SATB1: variants seen among roughly 807,000 people sequenced by gnomAD.
SATB1 encodes the protein SATB homeobox 1.
Under a neutral mutation model 86.9 loss-of-function variants are expected in SATB1, and 11 were observed. The observed-to-expected ratio is 0.13, with a 90% CI of 0.08 to 0.21. The LOEUF (loss-of-function observed/expected upper bound fraction) is 0.21, where lower values mean the gene tolerates loss of function less well. Among genes scored for constraint, SATB1 ranks in the 10% least tolerant of loss-of-function variants. The probability of loss-of-function intolerance (pLI) is 1.00; values close to 1 mark genes in which losing one functional copy is unlikely to be tolerated. For missense variants in SATB1, 551 were observed against 937.6 expected (o/e 0.59, Z 5.39); for synonymous variants, 357 against 357.2 (o/e 1.00, Z 0.01).
Position 18,386,765 on chromosome 3 carries a change from A to G in SATB1, c.1207-154T>C, listed in dbSNP as rs779223951. ...ATATTAGTTACAACTGAAGTGGTAG[A>G]GAAGAGAGCCTCAATTGTATTCTTA... On this transcript the variant is annotated intron_variant, in intron 7 of 10. Transcript: ENST00000338745. The surrounding 1 kb of genome is among the most constrained non-coding windows in gnomAD (Gnocchi z 4.5). Among the ~76,000 whole-genome samples, 1 of 152,248 alleles carries G rather than the reference A, an allele frequency of 6.6e-6. No homozygotes were observed. The highest frequency in any genetic ancestry group is 1.5e-5 in the Non-Finnish European group (1 of 68,042).
At chr3:18,415,790 C>T (rs995782364) in intron 4 of SATB1, among the ~76,000 whole-genome samples, 1 of 151,796 alleles carries the variant, frequency 6.6e-6, no homozygotes, top group Non-Finnish European at 1.5e-5. Context: ...CTGCACAAAC[C>T]TACACATTTT....
chr3:18,349,848 C>T lies in SATB1; in HGVS notation c.1780-166G>A, dbSNP rs1694262672. ...CCGGCGAAATGGCCGACAGCATTTA[C>T]AAAAAAATCAAAATGATATGACTAG... On this transcript the variant is annotated intron_variant, in intron 10 of 10. Transcript: ENST00000338745. The surrounding 1 kb of genome is among the most constrained non-coding windows in gnomAD (Gnocchi z 5.5). 5 of 1,220,006 alleles carry T rather than the reference C, an allele frequency of 4.1e-6. No homozygotes were observed. The Admixed American group carries it at 1.2e-4, about 29-fold the overall frequency. 75.6% of individuals were successfully genotyped at this position (1,220,006 alleles called of 1,614,324 possible).
intron 7 of SATB1, among the ~76,000 whole-genome samples, chr3:18,392,535 C>CTA (rs892287000): frequency 5.3e-5 from 8 of 151,284 alleles, no homozygotes; most frequent in African/African-American, 1.9e-4. Flanking sequence ...ACACCAGTAA[C>CTA]TATATATATA....
chr3:18,362,603 G>C (rs1694956324), intron 9 of SATB1, among the ~76,000 whole-genome samples: 1 of 151,450 alleles, frequency 6.6e-6, no homozygotes, highest in African/African-American at 2.4e-5. Context: ...TTTAAGACAG[G>C]ACAGCACCAT....
At chr3:18,366,410 A>C (rs1484037495) in intron 9 of SATB1, among the ~76,000 whole-genome samples, 1 of 151,782 alleles carries the variant, frequency 6.6e-6, no homozygotes, top group East Asian at 1.9e-4. Context: ...GTGCTATTAA[A>C]GTTTTTAATG....
chr3:18,397,122 A>G, intron 6 of SATB1, 57 bp downstream of exon 6: 2 of 956,456 alleles, frequency 2.1e-6, no homozygotes, highest in Non-Finnish European at 3.4e-6. Flanking sequence ...ACTTTGATAA[A>G]CCCCCAAATG....
chr3:18,440,669 C>T (rs150941143), upstream of SATB1, among the ~76,000 whole-genome samples: 59 of 152,272 alleles, frequency 3.9e-4, no homozygotes, highest in African/African-American at 1.3e-3. Flanking sequence ...CATGCTGAAA[C>T]ATAACTTTCA....
chr3:18,350,604 A>C (rs1575073762), intron 10 of SATB1: 1 of 152,480 alleles, frequency 6.6e-6, no homozygotes, highest in Non-Finnish European at 1.5e-5. Context: ...ACCCCTAAGA[A>C]GCAATTTTAT....
intron 2 of SATB1, among the ~76,000 whole-genome samples, chr3:18,433,538 G>A (rs1299633533): frequency 6.6e-6 from 1 of 151,752 alleles, no homozygotes; most frequent in Non-Finnish European, 1.5e-5. Flanking sequence ...TATTCCTATG[G>A]ATTTTATATT....
At chr3:18,395,466 A>AG (rs1170552611) in intron 6 of SATB1, among the ~76,000 whole-genome samples, 1 of 152,242 alleles carries the variant, frequency 6.6e-6, no homozygotes, top group African/African-American at 2.4e-5. Context: ...GAATAGAAGT[A>AG]GTTAATGTAA....
intron 5 of SATB1, among the ~76,000 whole-genome samples, chr3:18,411,265 T>C (rs1275612860): frequency 6.6e-6 from 1 of 152,130 alleles, no homozygotes; most frequent in Admixed American, 6.6e-5. Flanking sequence ...TTGTGATGTG[T>C]GTGTGTGCAC....
In SATB1 at chr3:18,407,615, A is replaced by C. The variant is rs75626537; in HGVS notation, c.639+7496T>G. ...TATCTTCCGACTTTATAGATGAGAA[A>C]ATTGAGTCATGGAGTCAGCTGCCCA... is the stretch of plus-strand genomic sequence containing the variant. On this transcript the variant is annotated intron_variant, in intron 5 of 10. Coordinates refer to ENST00000338745, the MANE Select transcript of SATB1 (RefSeq NM_002971.6). 8.5e-5 allele frequency among the ~76,000 whole-genome samples: 13 copies of C among 152,100 alleles called. No individual in the cohort carries two copies. In the East Asian group the frequency reaches 2.5e-3, roughly 29 times the overall value.
chr3:18,437,240 G>C (rs370979507), intron 1 of SATB1, among the ~76,000 whole-genome samples: 2 of 151,752 alleles, frequency 1.3e-5, no homozygotes, highest in South Asian at 2.1e-4. Flanking sequence ...AGAAAACATG[G>C]GTATCTCAAA....
intron 9 of SATB1, among the ~76,000 whole-genome samples, chr3:18,375,578 A>G: frequency 6.6e-6 from 1 of 152,146 alleles, no homozygotes; most frequent in Non-Finnish European, 1.5e-5. Context: ...TTTGACCATT[A>G]AAAAGGTCAG....
intron 9 of SATB1, among the ~76,000 whole-genome samples, chr3:18,372,029 G>C (rs1350483181): frequency 6.6e-6 from 1 of 152,178 alleles, no homozygotes; most frequent in Non-Finnish European, 1.5e-5. Flanking sequence ...TCCAAAAAGA[G>C]AAAACTTTAT....
intron 10 of SATB1, chr3:18,351,053 C>A: frequency 2.2e-6 from 1 of 462,000 alleles, no homozygotes; most frequent in South Asian, 2.1e-5. Context: ...GCAACTGGGG[C>A]CCTAAGAGCG....
intron 6 of SATB1, among the ~76,000 whole-genome samples, chr3:18,395,390 G>C (rs1393216950): frequency 1.3e-5 from 2 of 151,938 alleles, no homozygotes; most frequent in African/African-American, 2.4e-5. Context: ...TAGTACTCTA[G>C]GAAAAAGGTG....
At chr3:18,428,474 A>C (rs1245344625), upstream of SATB1, among the ~76,000 whole-genome samples, 1 of 152,218 alleles carries the variant, frequency 6.6e-6, no homozygotes, top group Non-Finnish European at 1.5e-5. Flanking sequence ...AAGTATTCAA[A>C]TAATAGCAAT....
intron 9 of SATB1, among the ~76,000 whole-genome samples, chr3:18,357,298 G>C (rs935213519): frequency 6.6e-6 from 1 of 151,770 alleles, no homozygotes; most frequent in Admixed American, 6.6e-5. Context: ...TTACATTTCA[G>C]CAAGTAGTAG....
Sources: gnomAD v4.1 joint callset for allele counts (sites outside exome capture counted in the v4.1 genomes callset) on GRCh38, gnomAD v4.1.1 for gene constraint, Gnocchi (gnomAD v3.1) non-coding constraint, MANE v1.5 for transcripts, NCBI Gene and HGNC (gene_info 2026-07-23, HGNC 2026-07-21) for gene names.